Variants in PCDHA10 observed in about 807,000 individuals in gnomAD.
PCDHA10 encodes the protein protocadherin alpha 10.
PCDHA10 carries 45 observed loss-of-function variants against 61.2 expected under a neutral mutation model. The ratio of observed to expected loss-of-function variants is 0.74; its 90% CI spans 0.58 to 0.94. The LOEUF (loss-of-function observed/expected upper bound fraction) is 0.94. Ranked by LOEUF, PCDHA10 falls within the 40% of genes least tolerant of loss-of-function variation. The pLI is 0.00. For missense variants in PCDHA10, 1,278 were observed against 1,236.2 expected (o/e 1.03, Z -0.51); for synonymous variants, 602 against 548.8 (o/e 1.10, Z -1.35).
At chr5:140,878,933 A>G (rs2057778648) in intron 1 of PCDHA10, among the ~76,000 whole-genome samples, 2 of 152,224 alleles carry the variant, frequency 1.3e-5, no homozygotes, top group Admixed American at 1.3e-4. Context: ...AATAATTTTA[A>G]ATAAATATAT....
At chr5:140,992,261 G>A (rs1056414788) in intron 3 of PCDHA10, among the ~76,000 whole-genome samples, 1 of 152,172 alleles carries the variant, frequency 6.6e-6, no homozygotes, top group Non-Finnish European at 1.5e-5. Context: ...AAAGATGAAA[G>A]TTCTTTTCGT....
chr5:140,997,131 C>T (rs577407385), intron 3 of PCDHA10, among the ~76,000 whole-genome samples: 26 of 152,126 alleles, frequency 1.7e-4, no homozygotes, highest in African/African-American at 6.0e-4. Flanking sequence ...ACACAATGCC[C>T]CCACACCCCC....
intron 1 of PCDHA10, among the ~76,000 whole-genome samples, chr5:140,938,877 A>ACACACACACACACAGATG (rs2092241507): frequency 1.3e-5 from 2 of 150,854 alleles, no homozygotes; most frequent in South Asian, 4.2e-4. Context: ...TTAAGAAGCA[A>ACACACACACACACAGATG]CACACACACA....
intron 1 of PCDHA10, among the ~76,000 whole-genome samples, chr5:140,942,387 G>A (rs1398449068): frequency 1.3e-5 from 2 of 151,808 alleles, no homozygotes; most frequent in Admixed American, 1.3e-4. Context: ...ATTCCAGCCT[G>A]GGCGACAGAT....
At chr5:140,926,301 C>T (rs1554203262) in intron 1 of PCDHA10, 1 of 152,336 alleles carries the variant, frequency 6.6e-6, no homozygotes, top group Non-Finnish European at 1.5e-5. Flanking sequence ...GTCCCGCCCT[C>T]TCCGCCGGAG....
chr5:140,947,569 A>G (rs2094145868), intron 1 of PCDHA10, among the ~76,000 whole-genome samples: 1 of 151,666 alleles, frequency 6.6e-6, no homozygotes. Flanking sequence ...TATATTGGGA[A>G]TGTTTTTAAC....
At position 140,917,079 on chromosome 5, in the gene PCDHA10, A is replaced by G. The variant is rs115825402; in HGVS notation, c.2388+58643A>G. Among the ~76,000 whole-genome samples the G allele has an allele frequency of 8.0e-3, 1,217 of 152,106 alleles. 6 individuals carry two copies. The highest frequency in any genetic ancestry group is 0.019 in the African/African-American group (785 of 41,476). On this transcript the variant is annotated intron_variant, in intron 1 of 3. Coordinates refer to ENST00000307360, the MANE Select transcript of PCDHA10 (RefSeq NM_018901.4). ...GCTACGACAGCACCGAGTTTAATGT[A>G]AAGTTCCCCAGTTGCTGTGCTTTAC... is the stretch of plus-strand genomic sequence containing the variant.
intron 1 of PCDHA10, chr5:140,881,212 G>A: frequency 9.7e-6 from 2 of 206,268 alleles, no homozygotes; most frequent in Non-Finnish European, 1.7e-5. Flanking sequence ...TCTAGCTGTT[G>A]TTTCTTGGAA....
chr5:140,950,738 T>C (rs900517873), intron 1 of PCDHA10, among the ~76,000 whole-genome samples: 5 of 152,150 alleles, frequency 3.3e-5, no homozygotes, highest in African/African-American at 7.2e-5. Flanking sequence ...TTAATCCTAA[T>C]TTCTCTCTAT....
intron 1 of PCDHA10, among the ~76,000 whole-genome samples, chr5:140,894,318 T>C (rs1403062288): frequency 1.3e-5 from 2 of 152,086 alleles, no homozygotes; most frequent in Non-Finnish European, 2.9e-5. Context: ...TCTTAAATTA[T>C]AGATTTTAGT....
chr5:140,968,089 C>T lies in PCDHA10; in HGVS notation c.2389-10860C>T, dbSNP rs546330069. ...CTGTCTACAACATCACGGTGACAGC[C>T]ACAGATGGGGGAATACCGCAGCTCA... On this transcript the variant is annotated intron_variant, in intron 1 of 3. Transcript: ENST00000307360. 120 of 1,614,126 alleles carry T rather than the reference C, an allele frequency of 7.4e-5. 1 individual carries two copies. The South Asian group carries it at 1.2e-3, about 16-fold the overall frequency.
intron 1 of PCDHA10, chr5:140,876,222 G>T (rs923525457): frequency 6.2e-7 from 1 of 1,613,972 alleles, no homozygotes; most frequent in Non-Finnish European, 8.5e-7. Flanking sequence ...ATAAAGTAGT[G>T]TTGTCTGAAA....
chr5:140,869,373 C>T (rs782224697), intron 1 of PCDHA10: 5 of 1,613,984 alleles, frequency 3.1e-6, no homozygotes, highest in African/African-American at 2.7e-5. Flanking sequence ...ATTCTCGGAT[C>T]GACCGCGAGG....
At chr5:140,882,768 C>T (rs1554175511) in intron 1 of PCDHA10, 1 of 1,614,222 alleles carries the variant, frequency 6.2e-7, no homozygotes, top group East Asian at 2.2e-5. Context: ...GTAAACTCGG[C>T]ATTGACCTAC....
At chr5:140,989,723 G>A (rs2097356372) in intron 3 of PCDHA10, among the ~76,000 whole-genome samples, 1 of 152,180 alleles carries the variant, frequency 6.6e-6, no homozygotes, top group African/African-American at 2.4e-5. Flanking sequence ...CAGCTTTGCA[G>A]TTGAAAAGGC....
chr5:140,871,060 C>T (rs782751973), intron 1 of PCDHA10: 4 of 1,613,210 alleles, frequency 2.5e-6, no homozygotes, highest in Non-Finnish European at 3.4e-6. Context: ...GGTGAAGGAT[C>T]ACGGTGAGCC....
chr5:140,881,336 G>C (rs2058671987), intron 1 of PCDHA10: 1 of 984,948 alleles, frequency 1.0e-6, no homozygotes. Context: ...CCAGGACGCC[G>C]ATTCGGGCTA....
At chr5:140,884,651 T>C in intron 1 of PCDHA10, 1 of 1,604,404 alleles carries the variant, frequency 6.2e-7, no homozygotes. Context: ...GGACTCAGAA[T>C]GCTTGAAAGA....
intron 1 of PCDHA10, chr5:140,967,400 C>T: frequency 6.2e-7 from 1 of 1,611,718 alleles, no homozygotes; most frequent in South Asian, 1.1e-5. Context: ...GCTGGTGCTG[C>T]GTAAGGGCCT....
Sources: gnomAD v4.1 joint callset for allele counts (sites outside exome capture counted in the v4.1 genomes callset) on GRCh38, gnomAD v4.1.1 for gene constraint, MANE v1.5 for transcripts, NCBI Gene and HGNC (gene_info 2026-07-23, HGNC 2026-07-21) for gene names.